The following DCHS2 variants were observed in gnomAD, a reference collection of about 807,000 sequenced individuals.
DCHS2 encodes the protein protocadherin-23.
In DCHS2, 142 loss-of-function variants were observed where a neutral mutation model predicts 182.4. That is an observed-to-expected ratio of 0.78 (90% CI 0.68 to 0.89). DCHS2 has a LOEUF of 0.89. DCHS2 is among the 40% of genes least tolerant of loss of function. The pLI is 0.00. For synonymous variants in DCHS2, 1,740 were observed against 1,663.3 expected, an observed-to-expected ratio of 1.05 and a Z score of -1.12; for missense variants, 4,319 against 4,198.6, an observed-to-expected ratio of 1.03 and a Z score of -0.79.
chr4:154,471,961 C>T (rs1236573028), intron 1 of DCHS2, among the ~76,000 whole-genome samples: 1 of 152,160 alleles, frequency 6.6e-6, no homozygotes, highest in Non-Finnish European at 1.5e-5. Context: ...ATAGTAATGG[C>T]ATTAAGGATT....
Position 154,232,735 on chromosome 4 carries a change from T to G in DCHS2, c.*1801A>C, listed in dbSNP as rs1731251853. On this transcript the variant is annotated 3_prime_UTR_variant, in exon 20 of 20. Coordinates refer to ENST00000357232, the MANE Select transcript of DCHS2 (RefSeq NM_001358235.2). ...CATAAATGATTAAATATGTGTGGGT[T>G]TTTTTTTTACATAAGTCATGAAATC... 1 of 150,872 alleles carries G rather than the reference T, an allele frequency of 6.6e-6. No homozygotes were observed. Among genetic ancestry groups the G allele is most frequent in the Non-Finnish European group, 1.5e-5 (1 of 67,638 alleles). The allele number at this position is 150,872 out of a possible 1,614,324, so 9.3% of individuals were successfully genotyped here. A position where few individuals can be genotyped will look rare whatever the true frequency, so the allele number is the denominator to read the frequency against.
In DCHS2 at chr4:154,377,402, C is replaced by G. The variant is rs1730957756; in HGVS notation, c.2095G>C (p.Glu699Gln). ...AGGAATCCATCATAAAGAGAATATT[C>G]AATAAAGCCATAGAGTCCTGAATCT... ...DADSGLYGFI[E>Q]YSLYDGFLSY... The change falls in exon 2 of 20, where the codon GAA (glutamate) becomes CAA (glutamine). Residue 699 changes from glutamate to glutamine, a missense_variant. Physicochemically the swap from Glu to Gln is conservative, Grantham distance 29 (BLOSUM62 2). Transcript: ENST00000357232. 1 of 1,613,272 alleles carries G rather than the reference C, an allele frequency of 6.2e-7. No individual in the cohort carries two copies. The highest frequency in any genetic ancestry group is 1.3e-5 in the African/African-American group (1 of 74,850).
chr4:154,455,562 A>C (rs1033885100), intron 1 of DCHS2, among the ~76,000 whole-genome samples: 1 of 152,222 alleles, frequency 6.6e-6, no homozygotes, highest in Non-Finnish European at 1.5e-5. Flanking sequence ...TTTTGCACAA[A>C]AGGAAATCAC....
chr4:154,322,770 C>A (rs1736115251), intron 7 of DCHS2: 2 of 324,316 alleles, frequency 6.2e-6, no homozygotes, highest in Non-Finnish European at 5.6e-6. Flanking sequence ...CTTATTTCAT[C>A]TATTCCCCAT....
At chr4:154,364,977 G>A (rs1730285279) in intron 3 of DCHS2, among the ~76,000 whole-genome samples, 1 of 151,270 alleles carries the variant, frequency 6.6e-6, no homozygotes, top group Non-Finnish European at 1.5e-5. Flanking sequence ...CAAAAGTATT[G>A]TAATGTCATA....
In DCHS2 at chr4:154,457,823, C is replaced by T. The variant is rs546748500; in HGVS notation, c.2052+31481G>A. Among the ~76,000 whole-genome samples the T allele has an allele frequency of 1.9e-4, 29 of 152,226 alleles. No homozygotes were observed. The South Asian group carries it at 5.0e-3, about 26-fold the overall frequency. The stretch of plus-strand genomic sequence containing the variant: ...TGCTTCAGTACACCTGGGGGGAGCA[C>T]GAGAATTTGCATTTTTAACGAGTTC... On this transcript the variant is annotated intron_variant, in intron 1 of 19. Transcript: ENST00000357232.
intron 16 of DCHS2, among the ~76,000 whole-genome samples, chr4:154,247,440 G>A (rs188548046): frequency 8.6e-5 from 13 of 151,524 alleles, no homozygotes; most frequent in Admixed American, 2.6e-4. Context: ...TCAGGAGTTC[G>A]AGACCAGCCT....
intron 7 of DCHS2, 60 bp downstream of exon 7, chr4:154,328,033 T>C (rs774295694): frequency 2.0e-5 from 25 of 1,247,244 alleles, no homozygotes; most frequent in Non-Finnish European, 2.7e-5. Context: ...AAGGGGATAG[T>C]TGATAAATGA....
chr4:154,257,873 G>T (rs1208513335), intron 15 of DCHS2, among the ~76,000 whole-genome samples: 1 of 152,210 alleles, frequency 6.6e-6, no homozygotes, highest in Non-Finnish European at 1.5e-5. Flanking sequence ...TGAAGGGCTG[G>T]TGGGTCAGGC....
chr4:154,466,641 T>C (rs930004911), intron 1 of DCHS2, among the ~76,000 whole-genome samples: 1 of 152,190 alleles, frequency 6.6e-6, no homozygotes, highest in Non-Finnish European at 1.5e-5. Flanking sequence ...GAATGCTAAG[T>C]GCATTTCATC....
At chr4:154,429,228 A>G (rs114964945) in intron 1 of DCHS2, among the ~76,000 whole-genome samples, 1,782 of 152,292 alleles carry the variant, frequency 0.012, 40 homozygotes, top group African/African-American at 0.041. Context: ...GGTAGACAGA[A>G]CTGGTGCTTC....
intron 13 of DCHS2, among the ~76,000 whole-genome samples, chr4:154,276,705 A>G (rs1733868329): frequency 6.6e-6 from 1 of 152,238 alleles, no homozygotes; most frequent in Non-Finnish European, 1.5e-5. Context: ...AGATGGCAGA[A>G]TGGGAAACCC....
intron 1 of DCHS2, among the ~76,000 whole-genome samples, chr4:154,440,590 T>G (rs1168420592): frequency 6.6e-6 from 1 of 152,220 alleles, no homozygotes; most frequent in Non-Finnish European, 1.5e-5. Flanking sequence ...ATAATTTTTT[T>G]TTATTTCCCC....
At chr4:154,327,583 A>G (rs1409701870) in intron 7 of DCHS2, among the ~76,000 whole-genome samples, 1 of 152,166 alleles carries the variant, frequency 6.6e-6, no homozygotes, top group Non-Finnish European at 1.5e-5. Context: ...ACTGGAAAAA[A>G]TCTGGGGCCT....
intron 1 of DCHS2, among the ~76,000 whole-genome samples, chr4:154,440,194 G>A (rs1192784694): frequency 1.3e-5 from 2 of 152,194 alleles, no homozygotes; most frequent in Admixed American, 1.3e-4. Flanking sequence ...ACTAGAGTGA[G>A]ACGAAGCTGA....
chr4:154,251,244 T>C (rs1419349415), intron 16 of DCHS2, among the ~76,000 whole-genome samples: 5 of 152,254 alleles, frequency 3.3e-5, no homozygotes, highest in African/African-American at 4.8e-5. Flanking sequence ...ATTTATTTAT[T>C]TTGTAAATGT....
At chr4:154,431,532 T>G (rs1053034363) in intron 1 of DCHS2, among the ~76,000 whole-genome samples, 1 of 152,186 alleles carries the variant, frequency 6.6e-6, no homozygotes, top group African/African-American at 2.4e-5. Context: ...ATAGGAATAC[T>G]CCTGAGTTTT....
At chr4:154,286,039 T>C (rs1213348863) in intron 13 of DCHS2, among the ~76,000 whole-genome samples, 1 of 151,910 alleles carries the variant, frequency 6.6e-6, no homozygotes, top group African/African-American at 2.4e-5. Context: ...AAGAATTTGT[T>C]TGGAAGGAAG....
intron 3 of DCHS2, among the ~76,000 whole-genome samples, chr4:154,351,101 G>A (rs960129627): frequency 1.3e-5 from 2 of 152,152 alleles, no homozygotes; most frequent in Non-Finnish European, 2.9e-5. Context: ...CATTTGTGAC[G>A]GATTTGTCTT....
Sources: gnomAD v4.1 joint callset for allele counts (sites outside exome capture counted in the v4.1 genomes callset) on GRCh38, gnomAD v4.1.1 for gene constraint, MANE v1.5 for transcripts, NCBI Gene and HGNC (gene_info 2026-07-23, HGNC 2026-07-21) for gene names.